HAS3: variants seen among roughly 807,000 people sequenced by gnomAD.
The protein encoded by HAS3 is hyaluronan synthase 3.
HAS3 carries 27 observed loss-of-function variants against 50.3 expected under a neutral mutation model. The observed-to-expected ratio is 0.54, with a 90% CI of 0.40 to 0.74. The LOEUF is 0.74. Among genes scored for constraint, HAS3 ranks in the 30% least tolerant of loss-of-function variants. The pLI, the probability that HAS3 is intolerant of heterozygous loss-of-function variation, is 0.00. For missense variants in HAS3, 517 were observed against 742.8 expected (o/e 0.70, Z 3.53); for synonymous variants, 339 against 310.9 (o/e 1.09, Z -0.95).
In HAS3 at chr16:69,114,593, G is replaced by T; in HGVS notation, c.989G>T (p.Arg330Leu). The change falls in exon 4 of 4, where the codon CGA becomes CTA. Residue 330 changes from arginine (R) to leucine (L), a missense_variant. Arg to Leu is a moderately radical substitution (Grantham distance 102). Coordinates refer to ENST00000569188, the MANE Select transcript of HAS3 (RefSeq NM_001199280.2). This position sits in a 1 kb window ranked among gnomAD's most constrained non-coding sequence, Gnocchi z 6.4. ...AACCGAGTCCTGAGCCTTGGCTACC[G>T]AACTAAGTATACCGCGCGCTCCAAG... The part of the protein sequence containing the change: ...LTNRVLSLGY[R>L]TKYTARSKCL... The T allele has an allele frequency of 6.2e-7, 1 of 1,613,994 alleles. No individual in the cohort carries two copies. The highest frequency in any genetic ancestry group is 8.5e-7 in the Non-Finnish European group (1 of 1,180,030).
chr16:69,100,397 A>T, the HAS3 span, among the ~76,000 whole-genome samples: 1 of 152,164 alleles, frequency 6.6e-6, no homozygotes, highest in Non-Finnish European at 1.5e-5. Flanking sequence ...TAGCTTCAAG[A>T]GGTTTTCATG....
chr16:69,115,991 A>AG lies in HAS3; in HGVS notation c.*726dup. 1.0e-6 allele frequency: 1 copy of AG among 985,706 alleles called. No individual in the cohort carries two copies. The highest frequency in any genetic ancestry group is 1.7e-5 in the African/African-American group (1 of 57,240). 61.1% of individuals were successfully genotyped at this position (985,706 alleles called of 1,614,324 possible). The stretch of plus-strand genomic sequence containing the variant: ...TGCTAAAGGAGGCCATAAGCTACAC[A>AG]GAGGCCTTGGGTGTTCCACCTGGAA... On this transcript the variant is annotated 3_prime_UTR_variant, in exon 4 of 4. Transcript: ENST00000569188.
Position 69,107,322 on chromosome 16 carries a change from C to G in HAS3, c.-1+1535C>G. On this transcript the variant is annotated intron_variant, in intron 1 of 3. Transcript: ENST00000569188. The surrounding 1 kb of genome is among the most constrained non-coding windows in gnomAD (Gnocchi z 5.5). ...ATTCCTGCGGGGGAGGGGTCCCGCCCAGGGAAGGAGAGGGCCGGCTACACC... is the reference window on the plus strand; with the variant it reads ...ATTCCTGCGGGGGAGGGGTCCCGCCGAGGGAAGGAGAGGGCCGGCTACACC... 1.0e-6 allele frequency: 1 copy of G among 982,614 alleles called. No individual in the cohort carries two copies. Among genetic ancestry groups the G allele is most frequent in the South Asian group, 4.7e-5 (1 of 21,236 alleles). The allele number at this position is 982,614 out of a possible 1,614,324, so 60.9% of individuals were successfully genotyped here. A position where few individuals can be genotyped will look rare whatever the true frequency, so the allele number is the denominator to read the frequency against.
Position 69,109,971 on chromosome 16 carries a change from C to A in HAS3, c.576C>A (p.Gly192=). 1 of 1,613,954 alleles carries A rather than the reference C, an allele frequency of 6.2e-7. No individual in the cohort carries two copies. The highest frequency in any genetic ancestry group is 8.5e-7 in the Non-Finnish European group (1 of 1,179,952). Residue 192 remains glycine, a synonymous_variant, in exon 2 of 4, where the codon GGC becomes GGA. Coordinates refer to ENST00000569188, the MANE Select transcript of HAS3 (RefSeq NM_001199280.2). This position sits in a 1 kb window ranked among gnomAD's most constrained non-coding sequence, Gnocchi z 5.3. ...CGTGCATCATGCAGAAGTGGGGAGG[C>A]AAGCGCGAGGTCATGTACACGGCCT... ...TFSCIMQKWG[G]KREVMYTAFK...
At chr16:69,099,997 C>A in the HAS3 span, among the ~76,000 whole-genome samples, 1 of 152,104 alleles carries the variant, frequency 6.6e-6, no homozygotes, top group South Asian at 2.1e-4. Flanking sequence ...AACCTGGCCC[C>A]TTAGCAGGGG....
upstream of HAS3, among the ~76,000 whole-genome samples, chr16:69,102,992 G>A (rs1265279294): frequency 3.4e-5 from 5 of 145,354 alleles, no homozygotes; most frequent in Admixed American, 2.8e-4. Context: ...TGTCTGGCCT[G>A]TGGAGTGTGC....
At chr16:69,095,083 G>A in the HAS3 span, among the ~76,000 whole-genome samples, 1 of 150,702 alleles carries the variant, frequency 6.6e-6, no homozygotes, top group Non-Finnish European at 1.5e-5. Flanking sequence ...CCAGGTTCAA[G>A]GGATTCTTGT....
chr16:69,096,719 G>A, the HAS3 span, among the ~76,000 whole-genome samples: 19 of 147,066 alleles, frequency 1.3e-4, no homozygotes, highest in Non-Finnish European at 2.7e-4. Context: ...CCGGGTTCAA[G>A]TGATTATCCT....
rs550064284 is a variant in HAS3 at position 69,113,294 on chromosome 16, T to G, written c.637-147T>G. ...TCATTTTACCTCTGGCACCTTCTGG[T>G]AGCGCAGATCTCTTAGCTAGAGGCT... On this transcript the variant is annotated intron_variant, in intron 2 of 3. Transcript: ENST00000569188. 1.2e-5 allele frequency: 8 copies of G among 672,648 alleles called. No individual in the cohort carries two copies. The South Asian group carries it at 1.3e-4, about 11-fold the overall frequency. 41.7% of individuals were successfully genotyped at this position (672,648 alleles called of 1,614,324 possible).
the HAS3 span, among the ~76,000 whole-genome samples, chr16:69,092,106 G>A: frequency 1.3e-5 from 2 of 152,244 alleles, no homozygotes; most frequent in Middle Eastern, 6.8e-3. Flanking sequence ...GTCTTACTAT[G>A]ACCCTGTTCT....
rs577897174 is a variant in HAS3, at chr16:69,115,625, C to T, written c.*359C>T. 1.4e-5 allele frequency: 14 copies of T among 1,011,746 alleles called. No individual in the cohort carries two copies. The highest frequency in any genetic ancestry group is 9.7e-5 in the East Asian group (1 of 10,272). The allele number at this position is 1,011,746 out of a possible 1,614,324, so 62.7% of individuals were successfully genotyped here. On this transcript the variant is annotated 3_prime_UTR_variant, in exon 4 of 4. Coordinates refer to ENST00000569188, the MANE Select transcript of HAS3 (RefSeq NM_001199280.2). Reference sequence around the variant, plus strand: ...CAACTTGTGATAGGTACCTGAGTGACGGCAACCTGCGGAAGGAGGTTCTCC... The same window carrying T: ...CAACTTGTGATAGGTACCTGAGTGATGGCAACCTGCGGAAGGAGGTTCTCC...
Position 69,114,040 on chromosome 16 carries a change from C to G in HAS3, c.739-303C>G, listed in dbSNP as rs1201520176. ...GGTGTTTTGCATTCTTCCCAAGCCC[C>G]CTTCTCTGCCACCACCACAGGCTGC... On this transcript the variant is annotated intron_variant, in intron 3 of 3. Coordinates refer to ENST00000569188, the MANE Select transcript of HAS3 (RefSeq NM_001199280.2). The surrounding 1 kb of genome is among the most constrained non-coding windows in gnomAD (Gnocchi z 6.4). Among the ~76,000 whole-genome samples the G allele has an allele frequency of 2.0e-5, 3 of 152,208 alleles. No homozygotes were observed. The highest frequency in any genetic ancestry group is 4.1e-4 in the South Asian group (2 of 4,828).
At chr16:69,104,237 C>T (rs552094326), upstream of HAS3, among the ~76,000 whole-genome samples, 8 of 151,776 alleles carry the variant, frequency 5.3e-5, no homozygotes, top group African/African-American at 1.9e-4. Flanking sequence ...ACTACAGGCA[C>T]ACTCCACCAT....
At chr16:69,095,484 C>T in the HAS3 span, among the ~76,000 whole-genome samples, 1 of 151,922 alleles carries the variant, frequency 6.6e-6, no homozygotes, top group Admixed American at 6.6e-5. Flanking sequence ...GTGTTCTCAA[C>T]CCTGGATGCA....
At chr16:69,101,746 ATATT>A (rs1960698821), upstream of HAS3, among the ~76,000 whole-genome samples, 1 of 151,686 alleles carries the variant, frequency 6.6e-6, no homozygotes, top group Admixed American at 6.6e-5. Flanking sequence ...TCTCTCATCA[ATATT>A]TAATTATAAA....
At chr16:69,091,767 G>A in the HAS3 span, among the ~76,000 whole-genome samples, 4 of 152,130 alleles carry the variant, frequency 2.6e-5, no homozygotes, top group Non-Finnish European at 2.9e-5. Flanking sequence ...ATAGTCATCC[G>A]GGAGAGAAAT....
At position 69,106,261 on chromosome 16, in the gene HAS3, G is replaced by A. The variant is rs1392046521; in HGVS notation, c.-1+474G>A. 1 of 151,304 alleles carries A rather than the reference G, an allele frequency of 6.6e-6. No individual in the cohort carries two copies. Among genetic ancestry groups the A allele is most frequent in the Non-Finnish European group, 1.5e-5 (1 of 67,878 alleles). The allele number at this position is 151,304 out of a possible 1,614,324, so 9.4% of individuals were successfully genotyped here. ...GCGGCGCGGAGCGGAGCGGGAGGAG[G>A]GGCATGGAGCCGCCGCGGGCCTGCT... On this transcript the variant is annotated intron_variant, in intron 1 of 3. Coordinates refer to ENST00000569188, the MANE Select transcript of HAS3 (RefSeq NM_001199280.2). The surrounding 1 kb of genome is among the most constrained non-coding windows in gnomAD (Gnocchi z 5.5).
chr16:69,088,280 C>T, the HAS3 span, among the ~76,000 whole-genome samples: 1 of 151,988 alleles, frequency 6.6e-6, no homozygotes, highest in Non-Finnish European at 1.5e-5. Context: ...TCAAGTGGGG[C>T]CGGGCACAGT....
the HAS3 span, among the ~76,000 whole-genome samples, chr16:69,088,302 G>A: frequency 6.6e-6 from 1 of 152,016 alleles, no homozygotes; most frequent in East Asian, 1.9e-4. Context: ...GCTCACACCT[G>A]TAATCCCAGC....
Sources: gnomAD v4.1 joint callset for allele counts (sites outside exome capture counted in the v4.1 genomes callset) on GRCh38, gnomAD v4.1.1 for gene constraint, Gnocchi (gnomAD v3.1) non-coding constraint, MANE v1.5 for transcripts, NCBI Gene and HGNC (gene_info 2026-07-23, HGNC 2026-07-21) for gene names.